DCLK1: variants seen among roughly 807,000 people sequenced by gnomAD.
The protein encoded by DCLK1 is serine/threonine-protein kinase DCLK1.
Under a neutral mutation model 86.2 loss-of-function variants are expected in DCLK1, and 16 were observed. The ratio of observed to expected loss-of-function variants is 0.19; its 90% CI spans 0.13 to 0.28. The LOEUF (loss-of-function observed/expected upper bound fraction) is 0.28, where lower values mean the gene tolerates loss of function less well. DCLK1 is among the 10% of genes least tolerant of loss of function. DCLK1 has a pLI of 1.00. For missense variants in DCLK1, 590 were observed against 940.2 expected (o/e 0.63, Z 4.87); for synonymous variants, 369 against 370.5 (o/e 1.00, Z 0.05).
intron 14 of DCLK1, 152 bp from the exon 15 acceptor site, chr13:35,805,931 CA>C: frequency 1.9e-6 from 1 of 538,890 alleles, no homozygotes; most frequent in Admixed American, 3.9e-5. Flanking sequence ...GGCTATTTAT[CA>C]CCTTCAAAAG....
At chr13:36,075,974 G>A (rs911592101) in intron 3 of DCLK1, among the ~76,000 whole-genome samples, 1 of 152,282 alleles carries the variant, frequency 6.6e-6, no homozygotes, top group East Asian at 1.9e-4. Flanking sequence ...GCAGTGAGCT[G>A]AGACTGCACC....
chr13:35,813,414 G>T (rs2087192781), intron 11 of DCLK1, among the ~76,000 whole-genome samples: 2 of 152,158 alleles, frequency 1.3e-5, no homozygotes, highest in South Asian at 4.1e-4. Flanking sequence ...ATATGACCTT[G>T]TAATTCTCCT....
rs536571864 is a variant in DCLK1, at chr13:35,895,990, T to C, written c.824-24650A>G. 7.9e-5 allele frequency among the ~76,000 whole-genome samples: 12 copies of C among 152,248 alleles called. No homozygotes were observed. In the South Asian group the frequency reaches 1.2e-3, roughly 16 times the overall value. ...TAAAACTCTCTCTAACAAAAATTGC[T>C]ATTTTTCTCCTCCAAACATTCTTAG... On this transcript the variant is annotated intron_variant, in intron 4 of 16. Coordinates refer to ENST00000360631, the MANE Select transcript of DCLK1 (RefSeq NM_001330071.2).
chr13:35,909,052 G>A (rs954559469), intron 4 of DCLK1, among the ~76,000 whole-genome samples: 2 of 152,236 alleles, frequency 1.3e-5, no homozygotes, highest in African/African-American at 4.8e-5. Context: ...CATATCTCAG[G>A]AAGCAGAGAC....
intron 2 of DCLK1, among the ~76,000 whole-genome samples, chr13:36,113,376 T>C (rs562174078): frequency 6.6e-6 from 1 of 152,340 alleles, no homozygotes; most frequent in African/African-American, 2.4e-5. Flanking sequence ...ACATACACAT[T>C]ATGCCTCACT....
At chr13:36,095,169 C>CTGTTTTT (rs1884961629) in intron 3 of DCLK1, among the ~76,000 whole-genome samples, 1 of 141,522 alleles carries the variant, frequency 7.1e-6, no homozygotes, top group Admixed American at 6.8e-5. Context: ...ATCTCTCTCT[C>CTGTTTTT]TTTGTTTTTT....
intron 14 of DCLK1, among the ~76,000 whole-genome samples, chr13:35,807,078 T>TC (rs2087042209): frequency 6.6e-6 from 1 of 152,208 alleles, no homozygotes; most frequent in African/African-American, 2.4e-5. Flanking sequence ...TCTCAAATTT[T>TC]TAAACATTTA....
At chr13:35,937,997 A>C (rs555806650) in intron 4 of DCLK1, among the ~76,000 whole-genome samples, 1 of 152,158 alleles carries the variant, frequency 6.6e-6, no homozygotes, top group African/African-American at 2.4e-5. Flanking sequence ...AAAATCCACG[A>C]AACAGTAGGA....
At chr13:35,989,420 C>A (rs7983141) in intron 3 of DCLK1, among the ~76,000 whole-genome samples, 54,884 of 151,738 alleles carry the variant, frequency 0.36, 11,056 homozygotes, top group Admixed American at 0.44. Flanking sequence ...TACAGGTGCT[C>A]ACCACCACAC....
intron 3 of DCLK1, among the ~76,000 whole-genome samples, chr13:36,060,870 C>T (rs1456264378): frequency 6.6e-6 from 1 of 152,068 alleles, no homozygotes; most frequent in Non-Finnish European, 1.5e-5. Context: ...GCCCCAACAG[C>T]CCCCAGAATG....
At chr13:35,869,374 C>G (rs1872101195) in intron 5 of DCLK1, among the ~76,000 whole-genome samples, 1 of 152,108 alleles carries the variant, frequency 6.6e-6, no homozygotes, top group Admixed American at 6.5e-5. Flanking sequence ...TCTCTGAGGC[C>G]AGGTCATTGC....
chr13:35,871,670 T>C (rs537999545), intron 4 of DCLK1, among the ~76,000 whole-genome samples: 2 of 152,308 alleles, frequency 1.3e-5, no homozygotes, highest in African/African-American at 4.8e-5. Context: ...TATCTGTATA[T>C]GTGGGTCTCT....
At chr13:36,068,525 T>C (rs1331259878) in intron 3 of DCLK1, among the ~76,000 whole-genome samples, 1 of 151,926 alleles carries the variant, frequency 6.6e-6, no homozygotes, top group East Asian at 1.9e-4. Flanking sequence ...AATTCTACTT[T>C]TAAACGTTTT....
chr13:36,072,749 C>CA (rs1317844287), intron 3 of DCLK1, among the ~76,000 whole-genome samples: 1 of 152,162 alleles, frequency 6.6e-6, no homozygotes, highest in Non-Finnish European at 1.5e-5. Flanking sequence ...AGCCATACAC[C>CA]CTGCAACCAG....
chr13:35,905,406 A>G (rs560112622), intron 4 of DCLK1, among the ~76,000 whole-genome samples: 1 of 152,346 alleles, frequency 6.6e-6, no homozygotes, highest in South Asian at 2.1e-4. Flanking sequence ...AGGAAAGAGA[A>G]GATCCCACCC....
intron 3 of DCLK1, among the ~76,000 whole-genome samples, chr13:36,071,921 A>G (rs749931537): frequency 3.3e-4 from 50 of 152,240 alleles, no homozygotes; most frequent in South Asian, 1.0e-3. Flanking sequence ...CTGGAAAAAT[A>G]TCAGTAAAGA....
intron 4 of DCLK1, among the ~76,000 whole-genome samples, chr13:35,896,512 G>A (rs1013371447): frequency 1.0e-4 from 14 of 138,878 alleles, no homozygotes; most frequent in South Asian, 2.3e-4. Flanking sequence ...CACCCCAGCC[G>A]GGGCAACAAA....
intron 3 of DCLK1, among the ~76,000 whole-genome samples, chr13:35,962,874 C>T (rs756504218): frequency 7.2e-5 from 11 of 152,202 alleles, no homozygotes; most frequent in Non-Finnish European, 1.5e-4. Context: ...GTTGTTTGTA[C>T]AGACCCTGGA....
intron 5 of DCLK1, among the ~76,000 whole-genome samples, chr13:35,859,606 A>G (rs953142412): frequency 3.9e-5 from 6 of 152,034 alleles, no homozygotes; most frequent in African/African-American, 1.4e-4. Flanking sequence ...GTTGAATAAT[A>G]CTCCTCAGGA....
Sources: allele counts gnomAD v4.1 joint callset (sites outside exome capture counted in the v4.1 genomes callset), GRCh38; gene constraint gnomAD v4.1.1; transcripts MANE v1.5; gene names NCBI Gene and HGNC (gene_info 2026-07-23, HGNC 2026-07-21).